Variants in FAM184A observed in about 807,000 individuals in gnomAD.
FAM184A encodes family with sequence similarity 184 member A, also known as protein FAM184A.
In FAM184A, 99 loss-of-function variants were observed where a neutral mutation model predicts 143.8. The observed-to-expected ratio is 0.69, with a 90% CI of 0.58 to 0.81. The LOEUF is 0.81. Among genes scored for constraint, FAM184A ranks in the 40% least tolerant of loss-of-function variants. FAM184A has a pLI of 0.00. For missense variants in FAM184A, 1,217 were observed against 1,310.5 expected, an observed-to-expected ratio of 0.93 and a Z score of 1.10; for synonymous variants, 427 against 446.4, an observed-to-expected ratio of 0.96 and a Z score of 0.55.
At chr6:118,980,103 G>C in intron 10 of FAM184A, 35 bp downstream of exon 10, 1 of 1,566,978 alleles carries the variant, frequency 6.4e-7, no homozygotes, top group Middle Eastern at 1.8e-4. Context: ...TTAGGCAGTT[G>C]GGTTACATTT....
At chr6:119,138,958 C>T (rs1444461344) in intron 1 of FAM184A, among the ~76,000 whole-genome samples, 2 of 152,050 alleles carry the variant, frequency 1.3e-5, no homozygotes, top group East Asian at 3.9e-4. Context: ...GTGGTTATAT[C>T]AGGCCTACCG....
chr6:119,112,217 C>T (rs1406065009), intron 1 of FAM184A, among the ~76,000 whole-genome samples: 1 of 151,824 alleles, frequency 6.6e-6, no homozygotes, highest in Non-Finnish European at 1.5e-5. Flanking sequence ...TCACAACCTC[C>T]GCCTCCCGGG....
At chr6:119,000,861 C>T (rs1784732471) in intron 9 of FAM184A, among the ~76,000 whole-genome samples, 1 of 151,500 alleles carries the variant, frequency 6.6e-6, no homozygotes, top group Non-Finnish European at 1.5e-5. Flanking sequence ...GCTGGCCTTG[C>T]GGGGCTAAAG....
intron 1 of FAM184A, among the ~76,000 whole-genome samples, chr6:119,062,057 G>A (rs535342930): frequency 1.4e-4 from 22 of 151,968 alleles, no homozygotes; most frequent in Non-Finnish European, 3.1e-4. Context: ...ACACACTCTA[G>A]TCTTACCATT....
In FAM184A at chr6:118,967,635, C is replaced by T. The variant is rs187110564; in HGVS notation, c.2916-683G>A. 3.9e-5 allele frequency among the ~76,000 whole-genome samples: 6 copies of T among 152,192 alleles called. No individual in the cohort carries two copies. The East Asian group carries it at 1.2e-3, about 29-fold the overall frequency. On this transcript the variant is annotated intron_variant, in intron 14 of 17. Transcript: ENST00000338891. ...TAAAATATAGGCCACTTTTTATAAG[C>T]AGGTGACACATCCTGCTGAGTCTAA...
chr6:119,090,471 T>C (rs1388363856), intron 1 of FAM184A, among the ~76,000 whole-genome samples: 1 of 152,164 alleles, frequency 6.6e-6, no homozygotes, highest in Non-Finnish European at 1.5e-5. Context: ...GTGGCATGCA[T>C]AGGAACTGTC....
At chr6:119,058,688 G>A (rs1261390765) in intron 1 of FAM184A, among the ~76,000 whole-genome samples, 2 of 152,006 alleles carry the variant, frequency 1.3e-5, no homozygotes, top group Non-Finnish European at 2.9e-5. Flanking sequence ...GCTACAAGGA[G>A]AGACCTACAC....
intron 1 of FAM184A, among the ~76,000 whole-genome samples, chr6:119,039,488 T>C (rs1786237749): frequency 6.6e-6 from 1 of 152,210 alleles, no homozygotes; most frequent in South Asian, 2.1e-4. Context: ...GAAGAAATCT[T>C]AAATGCATAT....
intron 1 of FAM184A, among the ~76,000 whole-genome samples, chr6:119,120,623 G>A (rs578093702): frequency 6.6e-6 from 1 of 152,130 alleles, no homozygotes; most frequent in African/African-American, 2.4e-5. Flanking sequence ...CGCTAACAAC[G>A]TATGAGGGTT....
intron 1 of FAM184A, among the ~76,000 whole-genome samples, chr6:119,059,731 A>G (rs896143094): frequency 6.6e-6 from 1 of 152,252 alleles, no homozygotes; most frequent in African/African-American, 2.4e-5. Flanking sequence ...TCTGTCAGGT[A>G]TAATAATTAT....
At chr6:118,984,191 TTATATTTATA>T (rs1481903650) in intron 9 of FAM184A, among the ~76,000 whole-genome samples, 2,380 of 142,052 alleles carry the variant, frequency 0.017, 85 homozygotes, top group African/African-American at 0.06. Context: ...ATATATATAT[TTATATTTATA>T]TATATTTATA....
intron 3 of FAM184A, 85 bp from the exon 4 acceptor site, chr6:119,020,244 C>G (rs1487033164): frequency 1.9e-5 from 20 of 1,048,672 alleles, no homozygotes; most frequent in Non-Finnish European, 2.6e-5. Flanking sequence ...CACAACTGTA[C>G]TTTATACTTA....
At chr6:118,996,954 G>A (rs538367891) in intron 9 of FAM184A, among the ~76,000 whole-genome samples, 1 of 150,566 alleles carries the variant, frequency 6.6e-6, no homozygotes, top group South Asian at 2.1e-4. Flanking sequence ...TGAATTCCTG[G>A]CCTCAAGTGA....
intron 5 of FAM184A, 96 bp downstream of exon 5, chr6:119,016,651 T>C (rs1785266236): frequency 1.9e-6 from 2 of 1,063,966 alleles, no homozygotes; most frequent in Non-Finnish European, 1.4e-6. Context: ...GGTTTATTCT[T>C]GAAGTCAGTG....
chr6:119,045,408 C>T (rs1327242544), intron 1 of FAM184A, among the ~76,000 whole-genome samples: 1 of 151,892 alleles, frequency 6.6e-6, no homozygotes, highest in Non-Finnish European at 1.5e-5. Flanking sequence ...TAAACCTACC[C>T]GATGTGCAGA....
chr6:119,144,787 C>CG (rs1347980257), intron 1 of FAM184A, among the ~76,000 whole-genome samples: 1 of 152,156 alleles, frequency 6.6e-6, no homozygotes, highest in East Asian at 1.9e-4. Flanking sequence ...TGCCAGCTCC[C>CG]GTGACGTGCC....
intron 7 of FAM184A, among the ~76,000 whole-genome samples, chr6:119,004,932 C>T (rs1784876504): frequency 2.0e-5 from 3 of 152,098 alleles, no homozygotes; most frequent in Admixed American, 6.5e-5. Flanking sequence ...GAACTGGGTG[C>T]GCACCAAGGC....
chr6:119,002,309 T>A (rs1334208448), intron 9 of FAM184A, among the ~76,000 whole-genome samples: 1 of 152,176 alleles, frequency 6.6e-6, no homozygotes, highest in Non-Finnish European at 1.5e-5. Context: ...TTAATAAATT[T>A]AAAAGTTGTG....
chr6:118,988,495 T>C lies in FAM184A; in HGVS notation c.2089-8145A>G, dbSNP rs568612760. 3.3e-5 allele frequency among the ~76,000 whole-genome samples: 5 copies of C among 152,344 alleles called. No homozygotes were observed. The South Asian group carries it at 8.3e-4, about 25-fold the overall frequency. ...TACAAGATAACTATTCAAAGCATTA[T>C]GCCCACTTTGCTGTAGGTTCACGGA... On this transcript the variant is annotated intron_variant, in intron 9 of 17. Transcript: ENST00000338891.
Sources: allele counts gnomAD v4.1 joint callset (sites outside exome capture counted in the v4.1 genomes callset), GRCh38; gene constraint gnomAD v4.1.1; transcripts MANE v1.5; gene names NCBI Gene and HGNC (gene_info 2026-07-23, HGNC 2026-07-21).